Variants in ERO1A observed in about 807,000 individuals in gnomAD.
ERO1A encodes the protein ERO1-like protein alpha.
ERO1A carries 49 observed loss-of-function variants against 76.9 expected under a neutral mutation model. That is an observed-to-expected ratio of 0.64 (90% confidence interval 0.51 to 0.81). The LOEUF (loss-of-function observed/expected upper bound fraction) is 0.81. Among genes scored for constraint, ERO1A ranks in the 30% least tolerant of loss-of-function variants. The pLI, the probability that ERO1A is intolerant of heterozygous loss-of-function variation, is 0.00. For missense variants in ERO1A, 448 were observed against 542.1 expected, an observed-to-expected ratio of 0.83 and a Z score of 1.72; for synonymous variants, 174 against 181.2, an observed-to-expected ratio of 0.96 and a Z score of 0.32.
At chr14:52,652,167 T>G in intron 13 of ERO1A, 72 bp downstream of exon 13, 2 of 943,024 alleles carry the variant, frequency 2.1e-6, no homozygotes, top group Admixed American at 1.8e-5. Flanking sequence ...TCTACTTCTA[T>G]GAGTACTATA....
intron 11 of ERO1A, among the ~76,000 whole-genome samples, chr14:52,653,859 T>A (rs907009095): frequency 6.6e-6 from 1 of 152,072 alleles, no homozygotes; most frequent in Admixed American, 6.5e-5. Context: ...GAACATGTGG[T>A]CTCTCTGCCT....
chr14:52,666,063 C>G (rs972247148), intron 7 of ERO1A, among the ~76,000 whole-genome samples: 1 of 152,142 alleles, frequency 6.6e-6, no homozygotes, highest in African/African-American at 2.4e-5. Context: ...ACTGTGTGAT[C>G]TTGGGAAATG....
In ERO1A at chr14:52,643,605, CT is replaced by C. The variant is rs1435170237; in HGVS notation, c.1371del (p.Glu458LysfsTer89). On this transcript the variant is annotated frameshift_variant, in exon 16 of 16. Transcript: ENST00000395686. LOFTEE classifies it high-confidence loss of function. The part of the protein sequence containing the change: ...FGRISTSVKE[L>X]ENFRNLLQNI... ...TTCTGTAACAAGTTCCTGAAGTTTT[CT>C]AATTCTTTCACACTTGTAGAAATTC... The C allele has an allele frequency of 6.7e-7, 1 of 1,484,486 alleles. No homozygotes were observed. The highest frequency in any genetic ancestry group is 2.8e-5 in the Admixed American group (1 of 35,382). The allele number at this position is 1,484,486 out of a possible 1,614,324, so 92.0% of individuals were successfully genotyped here.
At chr14:52,651,716 T>C (rs1004519389) in intron 13 of ERO1A, among the ~76,000 whole-genome samples, 6 of 152,192 alleles carry the variant, frequency 3.9e-5, no homozygotes, top group African/African-American at 1.4e-4. Flanking sequence ...GATGTTTTAA[T>C]GTATATTTAC....
intron 6 of ERO1A, among the ~76,000 whole-genome samples, chr14:52,668,139 G>C (rs1371548018): frequency 6.6e-6 from 1 of 152,062 alleles, no homozygotes; most frequent in Non-Finnish European, 1.5e-5. Flanking sequence ...AAACAAATTA[G>C]CATGGAATCA....
At chr14:52,680,695 T>C (rs1443731571) in intron 3 of ERO1A, among the ~76,000 whole-genome samples, 1 of 152,232 alleles carries the variant, frequency 6.6e-6, no homozygotes, top group Admixed American at 6.5e-5. Flanking sequence ...ACAAAATGTT[T>C]ACACTGTTAA....
rs2039505608 is a variant in ERO1A, at chr14:52,642,401, C to T, written c.*1169G>A. The T allele has an allele frequency of 6.6e-6, 1 of 152,004 alleles. No individual in the cohort carries two copies. The highest frequency in any genetic ancestry group is 2.1e-4 in the South Asian group (1 of 4,826). The allele number at this position is 152,004 out of a possible 1,614,324, so 9.4% of individuals were successfully genotyped here. A position where few individuals can be genotyped will look rare whatever the true frequency, so the allele number is the denominator to read the frequency against. ...ATTTTAATAAAATAAATAGCCTACC[C>T]TATTACTATACACATCAAGCATAAA... On this transcript the variant is annotated 3_prime_UTR_variant, in exon 16 of 16. Transcript: ENST00000395686.
At chr14:52,655,735 C>G (rs2040021271) in intron 11 of ERO1A, among the ~76,000 whole-genome samples, 1 of 151,256 alleles carries the variant, frequency 6.6e-6, no homozygotes, top group Non-Finnish European at 1.5e-5. Context: ...GTCATTTTCT[C>G]TGGAAAAATT....
rs916705710 is a variant in ERO1A at position 52,640,933 on chromosome 14, T to G, written c.*2637A>C. 1 of 151,712 alleles carries G rather than the reference T, an allele frequency of 6.6e-6. No individual in the cohort carries two copies. The highest frequency in any genetic ancestry group is 2.4e-5 in the African/African-American group (1 of 41,300). 9.4% of individuals were successfully genotyped at this position (151,712 alleles called of 1,614,324 possible). On this transcript the variant is annotated 3_prime_UTR_variant, in exon 16 of 16. Transcript: ENST00000395686. The stretch of plus-strand genomic sequence containing the variant: ...GAGGAGTCTGGCTAAAGATAAGGAT[T>G]TAGGAACTGCTGAATTAAAATTACC...
At position 52,643,520 on chromosome 14, in the gene ERO1A, A is replaced by C. The variant is rs1189726013; in HGVS notation, c.*50T>G. 2 of 1,241,586 alleles carry C rather than the reference A, an allele frequency of 1.6e-6. No homozygotes were observed. The highest frequency in any genetic ancestry group is 1.1e-6 in the Non-Finnish European group (1 of 910,816). The allele number at this position is 1,241,586 out of a possible 1,614,324, so 76.9% of individuals were successfully genotyped here. ...CTATTATGCCTTTGAATGAAATTCC[A>C]CTCTTTCGCCTCCATTGTCCAGAAA... On this transcript the variant is annotated 3_prime_UTR_variant, in exon 16 of 16. Coordinates refer to ENST00000395686, the MANE Select transcript of ERO1A (RefSeq NM_014584.3).
intron 7 of ERO1A, among the ~76,000 whole-genome samples, chr14:52,664,702 T>G (rs78295804): frequency 0.011 from 1,607 of 151,920 alleles, 20 homozygotes; most frequent in African/African-American, 0.036. Context: ...GAGTCATTCT[T>G]TTTTTTTGAG....
intron 4 of ERO1A, among the ~76,000 whole-genome samples, chr14:52,677,400 G>A (rs1272548267): frequency 1.3e-5 from 2 of 151,856 alleles, no homozygotes; most frequent in South Asian, 2.1e-4. Flanking sequence ...CCCCACTGAC[G>A]GACAGTCTAC....
intron 3 of ERO1A, among the ~76,000 whole-genome samples, chr14:52,680,200 T>C (rs1034839105): frequency 1.3e-5 from 2 of 151,932 alleles, no homozygotes; most frequent in African/African-American, 2.4e-5. Flanking sequence ...TCAGTGCAAA[T>C]TGATAACTTC....
At chr14:52,667,174 C>T (rs1304584268) in intron 6 of ERO1A, among the ~76,000 whole-genome samples, 1 of 152,168 alleles carries the variant, frequency 6.6e-6, no homozygotes, top group Non-Finnish European at 1.5e-5. Flanking sequence ...TAGTATTGTA[C>T]ACTGCGTGTT....
chr14:52,653,128 T>G lies in ERO1A; in HGVS notation c.996A>C (p.Gly332=). The G allele has an allele frequency of 6.2e-7, 1 of 1,607,466 alleles. No individual in the cohort carries two copies. Among genetic ancestry groups the G allele is most frequent in the Non-Finnish European group, 8.5e-7 (1 of 1,174,116 alleles). Residue 332 remains glycine, a synonymous_variant, in exon 12 of 16, where the codon GGA becomes GGC. Coordinates refer to ENST00000395686, the MANE Select transcript of ERO1A (RefSeq NM_014584.3). ...FERPDFQLFT[G]NKIQDEENKM... Reference sequence around the variant, plus strand: ...TGTTTTCCTCATCCTGAATTTTATTTCCAGTAAAGAGTTGAAAATCTGGGC... The same window carrying G: ...TGTTTTCCTCATCCTGAATTTTATTGCCAGTAAAGAGTTGAAAATCTGGGC...
intron 7 of ERO1A, 46 bp from the exon 8 acceptor site, chr14:52,663,893 A>G: frequency 9.2e-7 from 1 of 1,088,810 alleles, no homozygotes; most frequent in Non-Finnish European, 1.4e-6. Context: ...TATGTTACCA[A>G]TCATGTTATA....
intron 4 of ERO1A, among the ~76,000 whole-genome samples, chr14:52,673,110 G>A (rs1397870227): frequency 6.6e-6 from 1 of 151,000 alleles, no homozygotes; most frequent in Non-Finnish European, 1.5e-5. Context: ...TTTTCTTTGA[G>A]AAAGGGTCTC....
At chr14:52,687,811 A>T (rs1445806341) in intron 1 of ERO1A, among the ~76,000 whole-genome samples, 5 of 152,214 alleles carry the variant, frequency 3.3e-5, no homozygotes, top group Non-Finnish European at 7.3e-5. Flanking sequence ...TCTAATAAGC[A>T]GAGATAAGAA....
chr14:52,657,697 G>A (rs189620701), intron 11 of ERO1A, among the ~76,000 whole-genome samples: 2,174 of 152,266 alleles, frequency 0.014, 21 homozygotes, highest in Non-Finnish European at 0.022. Context: ...GGACAATTTT[G>A]AGCAGCTTCT....
Sources: allele counts gnomAD v4.1 joint callset (sites outside exome capture counted in the v4.1 genomes callset), GRCh38; gene constraint gnomAD v4.1.1; transcripts MANE v1.5; gene names NCBI Gene and HGNC (gene_info 2026-07-23, HGNC 2026-07-21).